The following CSRP1 variants were observed in gnomAD, a reference collection of about 807,000 sequenced individuals.
CSRP1 encodes the protein cysteine and glycine rich protein 1.
CSRP1 carries 16 observed loss-of-function variants against 25.4 expected under a neutral mutation model. The ratio of observed to expected loss-of-function variants is 0.63; its 90% confidence interval spans 0.43 to 0.96. The LOEUF (loss-of-function observed/expected upper bound fraction) is 0.96, where lower values mean the gene tolerates loss of function less well. Ranked by LOEUF, CSRP1 falls within the 40% of genes least tolerant of loss-of-function variation. The pLI is 0.00. For synonymous variants in CSRP1, 97 were observed against 95.3 expected (o/e 1.02, Z -0.10); for missense variants, 212 against 243.6 (o/e 0.87, Z 0.86).
chr1:201,497,180 G>A lies in CSRP1; in HGVS notation c.-1-876C>T, dbSNP rs968002982. 5.3e-5 allele frequency among the ~76,000 whole-genome samples: 8 copies of A among 151,916 alleles called. No individual in the cohort carries two copies. In the South Asian group the frequency reaches 6.3e-4, roughly 12 times the overall value. On this transcript the variant is annotated intron_variant, in intron 1 of 5. Transcript: ENST00000340006. ...TCCAGATCAGACTGGCCAATGTGGC[G>A]AAACACCATCTCTACTAAAAATACA...
chr1:201,493,412 GA>G (rs1183874229), intron 2 of CSRP1, among the ~76,000 whole-genome samples: 1 of 152,182 alleles, frequency 6.6e-6, no homozygotes, highest in Non-Finnish European at 1.5e-5. Flanking sequence ...TTGTGATAGT[GA>G]AAAAGTCTTA....
At chr1:201,493,191 C>T (rs186443869) in intron 2 of CSRP1, among the ~76,000 whole-genome samples, 3 of 152,312 alleles carry the variant, frequency 2.0e-5, no homozygotes, top group South Asian at 2.1e-4. Context: ...TGGGAGTATA[C>T]TGTAGGCCCT....
chr1:201,493,109 C>T (rs533024344), intron 2 of CSRP1, among the ~76,000 whole-genome samples: 8 of 152,218 alleles, frequency 5.3e-5, no homozygotes, highest in Admixed American at 6.5e-5. Flanking sequence ...TTCCCAGCCA[C>T]GGAGCTGAGC....
In CSRP1 at chr1:201,484,602, A is replaced by G; in HGVS notation, c.*111T>C. 4 of 1,038,534 alleles carry G rather than the reference A, an allele frequency of 3.9e-6. No individual in the cohort carries two copies. Among genetic ancestry groups the G allele is most frequent in the Non-Finnish European group, 5.7e-6 (4 of 699,344 alleles). The allele number at this position is 1,038,534 out of a possible 1,614,324, so 64.3% of individuals were successfully genotyped here. On this transcript the variant is annotated 3_prime_UTR_variant, in exon 6 of 6. Coordinates refer to ENST00000340006, the MANE Select transcript of CSRP1 (RefSeq NM_004078.3). ...GATGCCCAAGTTCAAGTCATTAGTG[A>G]TATGTGGCAGGGCTGACAGAGAAAT...
chr1:201,495,177 C>A (rs1008574250), intron 2 of CSRP1, among the ~76,000 whole-genome samples: 1 of 152,186 alleles, frequency 6.6e-6, no homozygotes, highest in Non-Finnish European at 1.5e-5. Context: ...GGGCAGACTG[C>A]TTAAACCCAG....
At chr1:201,503,603 C>A (rs192335391) in intron 1 of CSRP1, among the ~76,000 whole-genome samples, 9 of 152,296 alleles carry the variant, frequency 5.9e-5, no homozygotes, top group African/African-American at 2.2e-4. Context: ...CTGGAAATAC[C>A]AGAGTCTGGA....
At chr1:201,496,542 T>A (rs1571783497) in intron 1 of CSRP1, 1 of 547,636 alleles carries the variant, frequency 1.8e-6, no homozygotes, top group Non-Finnish European at 3.3e-6. Context: ...AGCTGCTGCA[T>A]TTTCAGCCCT....
chr1:201,489,832 T>C (rs13374492), intron 3 of CSRP1: 8,377 of 193,414 alleles, frequency 0.043, 659 homozygotes, highest in African/African-American at 0.17. Context: ...ATTGTACCAC[T>C]GCACTCCAGC....
intron 1 of CSRP1, 125 bp from the exon 2 acceptor site, chr1:201,496,429 G>T (rs1557975044): frequency 1.3e-6 from 1 of 782,262 alleles, no homozygotes; most frequent in Non-Finnish European, 2.2e-6. Flanking sequence ...TGCCTGGGGG[G>T]CCACCAGGCC....
At chr1:201,497,671 T>G (rs572568735) in intron 1 of CSRP1, among the ~76,000 whole-genome samples, 54 of 152,276 alleles carry the variant, frequency 3.5e-4, no homozygotes, top group African/African-American at 1.3e-3. Flanking sequence ...TGTGTGACCT[T>G]GGGCAAGATA....
intron 4 of CSRP1, chr1:201,487,740 C>T (rs1664192141): frequency 6.6e-6 from 1 of 152,190 alleles, no homozygotes; most frequent in African/African-American, 2.4e-5. Flanking sequence ...GTCAGACAAA[C>T]CTGGGCTTGA....
At position 201,488,981 on chromosome 1, in the gene CSRP1, G is replaced by A; in HGVS notation, c.285C>T (p.Ala95=). 1 of 1,613,810 alleles carries A rather than the reference G, an allele frequency of 6.2e-7. No homozygotes were observed. The highest frequency in any genetic ancestry group is 8.5e-7 in the Non-Finnish European group (1 of 1,179,848). The part of the protein sequence containing the change: ...GESLGIKHEE[A]PGHRPTTNPN... ...GGTTGGTGGTGGGCCTGTGGCCAGG[G>A]GCTCTGCATGGAGAAGGGCATGGGG... The change falls in exon 4 of 6, where the codon GCC becomes GCT. Residue 95 remains alanine, a synonymous_variant. Coordinates refer to ENST00000340006, the MANE Select transcript of CSRP1 (RefSeq NM_004078.3).
At chr1:201,500,764 C>T (rs1008168717) in intron 1 of CSRP1, among the ~76,000 whole-genome samples, 5 of 152,242 alleles carry the variant, frequency 3.3e-5, no homozygotes, top group Non-Finnish European at 7.3e-5. Flanking sequence ...CACCTCCTCC[C>T]TTTCTGCCCT....
intron 3 of CSRP1, 145 bp from the exon 4 acceptor site, chr1:201,489,129 G>A (rs1664246717): frequency 4.1e-6 from 4 of 968,002 alleles, no homozygotes; most frequent in African/African-American, 1.6e-5. Flanking sequence ...AGGGCCTCTA[G>A]GGTCATCTCC....
intron 2 of CSRP1, among the ~76,000 whole-genome samples, chr1:201,494,407 G>C (rs1238401998): frequency 6.6e-6 from 1 of 152,160 alleles, no homozygotes; most frequent in Non-Finnish European, 1.5e-5. Flanking sequence ...AAAGATAAAC[G>C]GCTTGGAAAT....
At chr1:201,505,541 T>C (rs1664801879) in intron 1 of CSRP1, among the ~76,000 whole-genome samples, 1 of 152,164 alleles carries the variant, frequency 6.6e-6, no homozygotes, top group Admixed American at 6.5e-5. Flanking sequence ...CCTGGGCATC[T>C]CAGGCCTTGC....
chr1:201,499,740 T>A (rs1485989667), intron 1 of CSRP1, among the ~76,000 whole-genome samples: 1 of 152,152 alleles, frequency 6.6e-6, no homozygotes, highest in Non-Finnish European at 1.5e-5. Context: ...CTCAGCCTCC[T>A]GAGTAGCTGG....
chr1:201,496,137 G>T, intron 2 of CSRP1, 55 bp downstream of exon 2: 1 of 1,379,372 alleles, frequency 7.2e-7, no homozygotes, highest in Non-Finnish European at 1.0e-6. Context: ...GCCTGTGGGG[G>T]CAGGCCCGTC....
chr1:201,485,237 AC>A, intron 5 of CSRP1, 45 bp downstream of exon 5: 1 of 1,559,982 alleles, frequency 6.4e-7, no homozygotes, highest in Non-Finnish European at 8.8e-7. Flanking sequence ...TAGCCCCCCT[AC>A]CCCCTTGGGC....
Sources: allele counts gnomAD v4.1 joint callset (sites outside exome capture counted in the v4.1 genomes callset), GRCh38; gene constraint gnomAD v4.1.1; transcripts MANE v1.5; gene names NCBI Gene and HGNC (gene_info 2026-07-23, HGNC 2026-07-21).